Variants in FAM83H observed in about 807,000 individuals in gnomAD.
FAM83H encodes the protein scaffolding CK1 anchoring protein H.
FAM83H carries 24 observed loss-of-function variants against 30.2 expected under a neutral mutation model. That is an observed-to-expected ratio of 0.79 (90% CI 0.57 to 1.12). FAM83H has a LOEUF of 1.12. Among genes scored for constraint, FAM83H ranks in the 50% most tolerant of loss-of-function variants. FAM83H has a pLI of 0.00. For missense variants in FAM83H, 2,038 were observed against 1,773.9 expected (o/e 1.15, Z -2.67); for synonymous variants, 1,013 against 821.7 (o/e 1.23, Z -3.98).
Position 143,726,786 on chromosome 8 carries a change from C to T in FAM83H, c.2675G>A (p.Ser892Asn). ...CTGCTCGATAAATCCTGTAGTTGGA[C>T]TTCCTCTTCGAGTGGAAAACCCAGG... ...PTPGFSTRRG[S>N]PTTGFIEQKG... Residue 892 changes from serine to asparagine, a missense_variant, in exon 5 of 5, where the codon AGT (serine) becomes AAT (asparagine). By Grantham distance (46) the Ser-to-Asn change is conservative (BLOSUM62 1). Coordinates refer to ENST00000388913, the MANE Select transcript of FAM83H (RefSeq NM_198488.5). The T allele has an allele frequency of 6.2e-7, 1 of 1,612,332 alleles. No individual in the cohort carries two copies. Among genetic ancestry groups the T allele is most frequent in the Non-Finnish European group, 8.5e-7 (1 of 1,179,534 alleles).
rs781852665 is a variant in FAM83H at position 143,728,135 on chromosome 8, G to A, written c.1326C>T (p.Arg442=). Residue 442 remains arginine (R), a synonymous_variant, in exon 5 of 5, where the codon CGC becomes CGT. Coordinates refer to ENST00000388913, the MANE Select transcript of FAM83H (RefSeq NM_198488.5). ...QTFLSHGDDF[R]FQTSHFHRDQ... Reference sequence around the variant, plus strand: ...CACGGTGGAAGTGGCTGGTCTGGAAGCGGAAGTCGTCGCCGTGGCTGAGGA... The same window carrying A: ...CACGGTGGAAGTGGCTGGTCTGGAAACGGAAGTCGTCGCCGTGGCTGAGGA... 6.8e-6 allele frequency: 11 copies of A among 1,609,890 alleles called. No individual in the cohort carries two copies. In the South Asian group the frequency reaches 1.1e-4, roughly 16 times the overall value.
In FAM83H at chr8:143,725,620, T is replaced by C; in HGVS notation, c.*301A>G. ...CGGGGGGGACTGAGGCACAAAGAGA[T>C]GGCGGAGCCAGACGCTGCGCCACGC... On this transcript the variant is annotated 3_prime_UTR_variant, in exon 5 of 5. Coordinates refer to ENST00000388913, the MANE Select transcript of FAM83H (RefSeq NM_198488.5). The C allele has an allele frequency of 1.9e-6, 1 of 538,086 alleles. No homozygotes were observed. Among genetic ancestry groups the C allele is most frequent in the Non-Finnish European group, 3.3e-6 (1 of 300,850 alleles). 33.3% of individuals were successfully genotyped at this position (538,086 alleles called of 1,614,324 possible).
Position 143,733,477 on chromosome 8 carries a change from C to CG in FAM83H, c.-16+213dup, listed in dbSNP as rs1290505123. Among the ~76,000 whole-genome samples, 1 of 152,048 alleles carries CG rather than the reference C, an allele frequency of 6.6e-6. No individual in the cohort carries two copies. The highest frequency in any genetic ancestry group is 2.4e-5 in the African/African-American group (1 of 41,438). On this transcript the variant is annotated intron_variant, in intron 1 of 4. Coordinates refer to ENST00000388913, the MANE Select transcript of FAM83H (RefSeq NM_198488.5). The surrounding 1 kb of genome is among the most constrained non-coding windows in gnomAD (Gnocchi z 5.6). ...CGGGCCGGCGTCGTGCGGGGGCGCT[C>CG]GCGTCCATATCCGCACAGCGGCGCC...
chr8:143,726,195 T>G lies in FAM83H; in HGVS notation c.3266A>C (p.Lys1089Thr), dbSNP rs782538312. The change falls in exon 5 of 5, where the codon AAG (lysine) becomes ACG (threonine). Residue 1089 changes from lysine to threonine, a missense_variant. Physicochemically the swap from Lys to Thr is moderately conservative, Grantham distance 78. Transcript: ENST00000388913. ...VLAPDMSDKD[K>T]CSAIFRSDSL... ...GTCCGAGCGGAAGATGGCTGAACAC[T>G]TGTCCTTGTCGGACATATCTGGGGC... 3.7e-6 allele frequency: 6 copies of G among 1,612,366 alleles called. No homozygotes were observed. The South Asian group carries it at 6.6e-5, about 18-fold the overall frequency.
chr8:143,731,714 T>C, intron 1 of FAM83H: 1 of 985,432 alleles, frequency 1.0e-6, no homozygotes, highest in Non-Finnish European at 1.2e-6. Flanking sequence ...CTCCACTTGC[T>C]CAGAGTCCTG....
In FAM83H at chr8:143,727,306, G is replaced by T. The variant is rs1554622470; in HGVS notation, c.2155C>A (p.Leu719Met). 1.9e-6 allele frequency: 3 copies of T among 1,543,130 alleles called. No homozygotes were observed. The highest frequency in any genetic ancestry group is 2.6e-6 in the Non-Finnish European group (3 of 1,150,802). The change falls in exon 5 of 5, where the codon CTG becomes ATG. Residue 719 changes from leucine to methionine, a missense_variant. By Grantham distance (15) the Leu-to-Met change is conservative. Coordinates refer to ENST00000388913, the MANE Select transcript of FAM83H (RefSeq NM_198488.5). ...LHKEQTVSET[L>M]GPGGEAVRSA... Reference sequence around the variant, plus strand: ...CGCACGGCCTCTCCGCCGGGCCCCAGCGTCTCGCTGACCGTCTGCTCCTTG... The same window carrying T: ...CGCACGGCCTCTCCGCCGGGCCCCATCGTCTCGCTGACCGTCTGCTCCTTG...
rs782587539 is a variant in FAM83H, at chr8:143,727,585, G to A, written c.1876C>T (p.Leu626Phe). ...PGGRAPAGDL[L>F]PSAFRVPAAF... ...GCTGGGACGCGGAAGGCCGAGGGGA[G>A]CAGGTCGCCGGCAGGTGCCCGGCCC... is the stretch of plus-strand genomic sequence containing the variant. Residue 626 changes from leucine to phenylalanine, a missense_variant, in exon 5 of 5, where the codon CTC becomes TTC. Coordinates refer to ENST00000388913, the MANE Select transcript of FAM83H (RefSeq NM_198488.5). The A allele has an allele frequency of 8.2e-6, 13 of 1,585,152 alleles. No homozygotes were observed. In the African/African-American group the frequency reaches 1.2e-4, roughly 15 times the overall value.
chr8:143,729,853 G>C (rs945363200), intron 2 of FAM83H, among the ~76,000 whole-genome samples: 2 of 152,232 alleles, frequency 1.3e-5, no homozygotes, highest in African/African-American at 2.4e-5. Flanking sequence ...CAGGATGAGA[G>C]GTAATTATCT....
chr8:143,731,556 C>G (rs1314398812), intron 1 of FAM83H: 10 of 985,132 alleles, frequency 1.0e-5, no homozygotes, highest in African/African-American at 3.5e-5. Context: ...GACTCCGTCC[C>G]TGTCTCCCAG....
In FAM83H at chr8:143,728,843, C is replaced by T. The variant is rs532931368; in HGVS notation, c.738-120G>A. On this transcript the variant is annotated intron_variant, in intron 4 of 4. Transcript: ENST00000388913. ...GAGGTCTGCAAGGACCTGGGCCCGGCTAGGCTGTGCAGGGGTCTACAGGAC... is the reference window on the plus strand; with the variant it reads ...GAGGTCTGCAAGGACCTGGGCCCGGTTAGGCTGTGCAGGGGTCTACAGGAC... The T allele has an allele frequency of 4.4e-6, 7 of 1,597,794 alleles. No homozygotes were observed. In the African/African-American group the frequency reaches 8.0e-5, roughly 18 times the overall value.
Position 143,727,920 on chromosome 8 carries a change from C to T in FAM83H, c.1541G>A (p.Ser514Asn). ...GCCGTGGCGCACCTCGCGGGACGCG[C>T]TGGACGGCACGTAGTCCAGCCGCTG... ...GHQRLDYVPS[S>N]ASREVRHGSD... The change falls in exon 5 of 5, where the codon AGC becomes AAC. Residue 514 changes from serine (S) to asparagine (N), a missense_variant. Physicochemically the swap from Ser to Asn is conservative, Grantham distance 46 (BLOSUM62 1). Coordinates refer to ENST00000388913, the MANE Select transcript of FAM83H (RefSeq NM_198488.5). 1.3e-6 allele frequency: 2 copies of T among 1,524,940 alleles called. No individual in the cohort carries two copies. Among genetic ancestry groups the T allele is most frequent in the Non-Finnish European group, 8.8e-7 (1 of 1,142,548 alleles). 94.5% of individuals were successfully genotyped at this position (1,524,940 alleles called of 1,614,324 possible).
chr8:143,727,043 C>T lies in FAM83H; in HGVS notation c.2418G>A (p.Glu806=). The change falls in exon 5 of 5, where the codon GAG becomes GAA. Residue 806 remains glutamate (E), a synonymous_variant. Transcript: ENST00000388913. ...SFAQQLHQEA[E]RQPGAASLTA... The stretch of plus-strand genomic sequence containing the variant: ...TGAGCGACGCGGCTCCCGGCTGCCG[C>T]TCCGCCTCCTGGTGCAGCTGCTGTG... The T allele has an allele frequency of 6.4e-7, 1 of 1,553,122 alleles. No individual in the cohort carries two copies. The highest frequency in any genetic ancestry group is 8.7e-7 in the Non-Finnish European group (1 of 1,154,954).
chr8:143,727,606 G>A lies in FAM83H; in HGVS notation c.1855C>T (p.Arg619Trp), dbSNP rs1049092287. Reference sequence around the variant, plus strand: ...GGGAGCAGGTCGCCGGCAGGTGCCCGGCCCCCGGGAGCCAGCACGTCGTCT... The same window carrying A: ...GGGAGCAGGTCGCCGGCAGGTGCCCAGCCCCCGGGAGCCAGCACGTCGTCT... ...YEDDVLAPGG[R>W]APAGDLLPSA... The change falls in exon 5 of 5, where the codon CGG (arginine) becomes TGG (tryptophan). Residue 619 changes from arginine to tryptophan, a missense_variant. Arg to Trp is a moderately radical substitution (Grantham distance 101). Coordinates refer to ENST00000388913, the MANE Select transcript of FAM83H (RefSeq NM_198488.5). The A allele has an allele frequency of 6.3e-7, 1 of 1,579,552 alleles. No individual in the cohort carries two copies. Among genetic ancestry groups the A allele is most frequent in the Non-Finnish European group, 8.5e-7 (1 of 1,169,820 alleles).
rs1247592219 is a variant in FAM83H at position 143,728,200 on chromosome 8, C to G, written c.1261G>C (p.Glu421Gln). ...ACCTGCCGCGCGGCCGCGAAGTTCT[C>G]CACGGCGCCCGCGCCCTCGGTCGCG... ...SFATEGAGAV[E>Q]NFAAARQVSR... is the part of the protein sequence containing the mutation. The change falls in exon 5 of 5, where the codon GAG becomes CAG. Residue 421 changes from glutamate to glutamine, a missense_variant. Transcript: ENST00000388913. The G allele has an allele frequency of 3.1e-6, 5 of 1,602,076 alleles. No homozygotes were observed. The highest frequency in any genetic ancestry group is 1.3e-5 in the African/African-American group (1 of 74,690).
rs374391332 is a variant in FAM83H, at chr8:143,729,364, G to A, written c.448-41C>T. 32 of 1,608,660 alleles carry A rather than the reference G, an allele frequency of 2.0e-5. No homozygotes were observed. In the African/African-American group the frequency reaches 3.7e-4, roughly 19 times the overall value. On this transcript the variant is annotated intron_variant, in intron 2 of 4. Transcript: ENST00000388913. ...AGGACGGAGAGGAGAGGCCCCTGCT[G>A]TCCCCACACCATTGTCCAGCCTCCC...
intron 4 of FAM83H, 22 bp downstream of exon 4, chr8:143,728,945 T>C: frequency 6.2e-7 from 1 of 1,612,264 alleles, no homozygotes. Flanking sequence ...GAGAAGGGGG[T>C]GAGGGAGCCC....
rs782525455 is a variant in FAM83H, at chr8:143,728,077, G to C, written c.1384C>G (p.Pro462Ala). Reference sequence around the variant, plus strand: ...TGCGGGCGCGCCGGCGTGAGCTGCGGGTCCCACTGGTACTGCTGCTGGTAG... The same window carrying C: ...TGCGGGCGCGCCGGCGTGAGCTGCGCGTCCCACTGGTACTGCTGCTGGTAG... ...QLYQQQYQWD[P>A]QLTPARPQGL... is the part of the protein sequence containing the mutation. Residue 462 changes from proline to alanine, a missense_variant, in exon 5 of 5, where the codon CCG becomes GCG. Transcript: ENST00000388913. 1.2e-6 allele frequency: 2 copies of C among 1,610,574 alleles called. No homozygotes were observed. The highest frequency in any genetic ancestry group is 2.2e-5 in the East Asian group (1 of 44,812).
chr8:143,727,694 G>A lies in FAM83H; in HGVS notation c.1767C>T (p.Gly589=). The change falls in exon 5 of 5, where the codon GGC becomes GGT. Residue 589 remains glycine, a synonymous_variant. Coordinates refer to ENST00000388913, the MANE Select transcript of FAM83H (RefSeq NM_198488.5). The part of the protein sequence containing the change: ...RRWRLASYLS[G]CHGEDGGDDG... ...CGTCGCCCCCATCCTCGCCGTGGCA[G>A]CCGCTCAAGTAGGAGGCCAAACGCC... 1.3e-6 allele frequency: 2 copies of A among 1,559,262 alleles called. No individual in the cohort carries two copies. Among genetic ancestry groups the A allele is most frequent in the Non-Finnish European group, 1.7e-6 (2 of 1,160,444 alleles).
In FAM83H at chr8:143,726,213, T is replaced by C. The variant is rs1554621629; in HGVS notation, c.3248A>G (p.Asp1083Gly). 3.1e-6 allele frequency: 5 copies of C among 1,612,298 alleles called. No homozygotes were observed. The highest frequency in any genetic ancestry group is 4.2e-6 in the Non-Finnish European group (5 of 1,179,740). Residue 1083 changes from aspartate to glycine, a missense_variant, in exon 5 of 5, where the codon GAT (aspartate) becomes GGT (glycine). Physicochemically the swap from Asp to Gly is moderately conservative, Grantham distance 94. Transcript: ENST00000388913. ...TGAACACTTGTCCTTGTCGGACATATCTGGGGCCAGGACGCCAGCAGCCGG... is the reference window on the plus strand; with the variant it reads ...TGAACACTTGTCCTTGTCGGACATACCTGGGGCCAGGACGCCAGCAGCCGG... Reference protein sequence around the residue: ...RPPAAGVLAPDMSDKDKCSAI... With the variant: ...RPPAAGVLAPGMSDKDKCSAI...
Sources: gnomAD v4.1 joint callset for allele counts (sites outside exome capture counted in the v4.1 genomes callset) on GRCh38, gnomAD v4.1.1 for gene constraint, Gnocchi (gnomAD v3.1) non-coding constraint, MANE v1.5 for transcripts, NCBI Gene and HGNC (gene_info 2026-07-23, HGNC 2026-07-21) for gene names.